ABRACL: variants seen among roughly 807,000 people sequenced by gnomAD.
The protein encoded by ABRACL is ABRA C-terminal like, also known as costars family protein ABRACL.
In ABRACL, 4 loss-of-function variants were observed where a neutral mutation model predicts 7.0. The observed-to-expected ratio is 0.57, with a 90% CI of 0.28 to 1.30. The LOEUF (loss-of-function observed/expected upper bound fraction) is 1.30. Among genes scored for constraint, ABRACL ranks in the 50% most tolerant of loss-of-function variants. ABRACL has a pLI of 0.10. For synonymous variants in ABRACL, 30 were observed against 36.0 expected, an observed-to-expected ratio of 0.83 and a Z score of 0.60; for missense variants, 104 against 97.3, an observed-to-expected ratio of 1.07 and a Z score of -0.29.
chr6:139,040,274 A>G (rs1263457881), intron 2 of ABRACL, among the ~76,000 whole-genome samples: 1 of 152,156 alleles, frequency 6.6e-6, no homozygotes, highest in Admixed American at 6.5e-5. Flanking sequence ...GATGCATGTG[A>G]GAAACACTCA....
rs772960368 is a variant in ABRACL at position 139,042,821 on chromosome 6, G to A, written c.164G>A (p.Arg55Gln). ...GTAGGAACTCTTAAAGCTGCAAAAC[G>A]AAGGAAGATTGTAACATATCCAGGA... ...ALVGTLKAAK[R>Q]RKIVTYPGEL... Residue 55 changes from arginine to glutamine, a missense_variant, in exon 3 of 3, where the codon CGA (arginine) becomes CAA (glutamine). Physicochemically the swap from Arg to Gln is conservative, Grantham distance 43 (BLOSUM62 1). Coordinates refer to ENST00000367660, the MANE Select transcript of ABRACL (RefSeq NM_021243.3). The A allele has an allele frequency of 1.1e-5, 17 of 1,614,042 alleles. No homozygotes were observed. In the South Asian group the frequency reaches 1.1e-4, roughly 10 times the overall value.
chr6:139,042,676 A>T (rs1786269925), intron 2 of ABRACL, 43 bp from the exon 3 acceptor site: 1 of 1,569,990 alleles, frequency 6.4e-7, no homozygotes, highest in African/African-American at 1.4e-5. Flanking sequence ...TGAGGGTATG[A>T]AACAGACTTT....
intron 2 of ABRACL, among the ~76,000 whole-genome samples, chr6:139,038,657 T>G (rs999970725): frequency 6.6e-6 from 1 of 152,196 alleles, no homozygotes; most frequent in Non-Finnish European, 1.5e-5. Context: ...GTGTCCCCTT[T>G]GTGCTCAAGT....
At chr6:139,033,057 G>A (rs569162435) in intron 1 of ABRACL, among the ~76,000 whole-genome samples, 2 of 152,340 alleles carry the variant, frequency 1.3e-5, no homozygotes, top group Non-Finnish European at 2.9e-5. Flanking sequence ...TTTCAGGGAA[G>A]GCTTTTATTT....
chr6:139,029,458 G>A (rs1786045475), intron 1 of ABRACL, among the ~76,000 whole-genome samples: 1 of 152,048 alleles, frequency 6.6e-6, no homozygotes, highest in East Asian at 1.9e-4. Flanking sequence ...CGGGCCACGG[G>A]GGAGGCAGAC....
chr6:139,039,753 A>T (rs1168248645), intron 2 of ABRACL, among the ~76,000 whole-genome samples: 1 of 152,124 alleles, frequency 6.6e-6, no homozygotes, highest in Non-Finnish European at 1.5e-5. Flanking sequence ...AGGCCAGAGG[A>T]TGAAGAGCCT....
chr6:139,034,156 C>T lies in ABRACL; in HGVS notation c.-5C>T, dbSNP rs202053430. ...AGACTTCCTTTTTTTCTCTCCCAGG[C>T]AGCAATGAATGTGGATCACGAGGTT... is the stretch of plus-strand genomic sequence containing the variant. On this transcript the variant is annotated splice_region_variant and 5_prime_UTR_variant, in exon 2 of 3. Transcript: ENST00000367660. 4 of 1,614,092 alleles carry T rather than the reference C, an allele frequency of 2.5e-6. No homozygotes were observed. Among genetic ancestry groups the T allele is most frequent in the Non-Finnish European group, 3.4e-6 (4 of 1,180,060 alleles).
chr6:139,039,424 CAATA>C (rs1786211327), intron 2 of ABRACL, among the ~76,000 whole-genome samples: 1 of 152,028 alleles, frequency 6.6e-6, no homozygotes, highest in African/African-American at 2.4e-5. Flanking sequence ...AGCAAGTACT[CAATA>C]AATGTTAGCT....
chr6:139,035,837 C>T (rs924954730), intron 2 of ABRACL, among the ~76,000 whole-genome samples: 2 of 150,654 alleles, frequency 1.3e-5, no homozygotes, highest in African/African-American at 4.9e-5. Flanking sequence ...CGCAGTGGCT[C>T]ACGCCTGTAA....
At chr6:139,041,621 A>G (rs1786255414) in intron 2 of ABRACL, among the ~76,000 whole-genome samples, 2 of 150,544 alleles carry the variant, frequency 1.3e-5, no homozygotes, top group African/African-American at 4.9e-5. Context: ...TTGGCCTCCC[A>G]AAGTGCTGGG....
chr6:139,040,596 G>C (rs1280465877), intron 2 of ABRACL, among the ~76,000 whole-genome samples: 1 of 152,152 alleles, frequency 6.6e-6, no homozygotes. Context: ...TGGAGGACTT[G>C]CCTGAGGTTA....
intron 2 of ABRACL, chr6:139,034,468 G>A (rs1786125855): frequency 9.1e-6 from 13 of 1,425,624 alleles, no homozygotes; most frequent in Non-Finnish European, 1.1e-5. Flanking sequence ...TCGATAGAAA[G>A]CAAATTACCA....
chr6:139,041,514 T>TAG (rs34294072), intron 2 of ABRACL, among the ~76,000 whole-genome samples: 1 of 29,084 alleles, frequency 3.4e-5, no homozygotes, highest in Non-Finnish European at 5.2e-5. Flanking sequence ...TGTGTGTGTG[T>TAG]ATATATATAT....
rs529491575 is a variant in ABRACL, at chr6:139,037,882, T to C, written c.61+3661T>C. Among the ~76,000 whole-genome samples, 355 of 151,910 alleles carry C rather than the reference T, an allele frequency of 2.3e-3. 3 individuals carry two copies. Among genetic ancestry groups the C allele is most frequent in the Non-Finnish European group, 4.4e-3 (296 of 67,930 alleles). ...ACCTCTGCCTCCTGGGTTCAAACAATTCTCCTGCCTCAGCCTCCTGAGTAG... is the reference window on the plus strand; with the variant it reads ...ACCTCTGCCTCCTGGGTTCAAACAACTCTCCTGCCTCAGCCTCCTGAGTAG... On this transcript the variant is annotated intron_variant, in intron 2 of 2. Transcript: ENST00000367660.
At position 139,042,935 on chromosome 6, in the gene ABRACL, TTTTG is replaced by T. The variant is rs779848870; in HGVS notation, c.*36_*39del. 2 of 1,528,380 alleles carry T rather than the reference TTTTG, an allele frequency of 1.3e-6. No homozygotes were observed. The highest frequency in any genetic ancestry group is 4.2e-5 in the Admixed American group (2 of 48,192). The allele number at this position is 1,528,380 out of a possible 1,614,324, so 94.7% of individuals were successfully genotyped here. A position where few individuals can be genotyped will look rare whatever the true frequency, so the allele number is the denominator to read the frequency against. On this transcript the variant is annotated 3_prime_UTR_variant, in exon 3 of 3. Transcript: ENST00000367660. ...TTACATATCTTTATGTACTGCCATT[TTTTG>T]TTTCTGGTAAACTGGAATATAAAGT... is the stretch of plus-strand genomic sequence containing the variant.
intron 1 of ABRACL, among the ~76,000 whole-genome samples, chr6:139,031,963 C>CTTT (rs58012169): frequency 4.2e-5 from 6 of 141,256 alleles, no homozygotes; most frequent in Non-Finnish European, 7.8e-5. Flanking sequence ...TTTTTTCCCA[C>CTTT]TTTTTTTTTT....
At chr6:139,032,307 C>T (rs184657002) in intron 1 of ABRACL, among the ~76,000 whole-genome samples, 1 of 152,188 alleles carries the variant, frequency 6.6e-6, no homozygotes, top group Admixed American at 6.5e-5. Flanking sequence ...GGCCTCGTGC[C>T]TGTGTACTCT....
intron 2 of ABRACL, among the ~76,000 whole-genome samples, chr6:139,038,567 T>C (rs1181178096): frequency 6.6e-6 from 1 of 152,262 alleles, no homozygotes; most frequent in Non-Finnish European, 1.5e-5. Flanking sequence ...TAAAGTCTCA[T>C]TTTTCATATA....
chr6:139,031,999 C>T lies in ABRACL; in HGVS notation c.-6-2156C>T, dbSNP rs369859847. Among the ~76,000 whole-genome samples, 40 of 151,042 alleles carry T rather than the reference C, an allele frequency of 2.6e-4. No individual in the cohort carries two copies. In the East Asian group the frequency reaches 2.9e-3, roughly 11 times the overall value. On this transcript the variant is annotated intron_variant, in intron 1 of 2. Coordinates refer to ENST00000367660, the MANE Select transcript of ABRACL (RefSeq NM_021243.3). The stretch of plus-strand genomic sequence containing the variant: ...TTTTTGAGACGGAGTCTCGCTCTGT[C>T]GCCCAGGTTGGAGTGCAGTGGCGTG...
Sources: allele counts gnomAD v4.1 joint callset (sites outside exome capture counted in the v4.1 genomes callset), GRCh38; gene constraint gnomAD v4.1.1; transcripts MANE v1.5; gene names NCBI Gene and HGNC (gene_info 2026-07-23, HGNC 2026-07-21).